MT4: variants seen among roughly 807,000 people sequenced by gnomAD.
The protein encoded by MT4 is metallothionein-4.
Under a neutral mutation model 9.5 loss-of-function variants are expected in MT4, and 11 were observed. That is an observed-to-expected ratio of 1.16 (90% CI 0.73 to 1.92). The LOEUF is 1.92. Among genes scored for constraint, MT4 ranks in the 30% most tolerant of loss-of-function variants. The pLI is 0.00. For missense variants in MT4, 88 were observed against 78.7 expected, an observed-to-expected ratio of 1.12 and a Z score of -0.45; for synonymous variants, 29 against 24.6, an observed-to-expected ratio of 1.18 and a Z score of -0.53.
In MT4 at chr16:56,567,733, C is replaced by T; in HGVS notation, c.32-18C>T. ...ATCTCCATCCTCACGTTTGTGGTGG[C>T]TCTGTCCTGTCTTCTAGGAGGAATC... On this transcript the variant is annotated intron_variant, in intron 1 of 2. Coordinates refer to ENST00000219162, the MANE Select transcript of MT4 (RefSeq NM_032935.3). The T allele has an allele frequency of 6.2e-7, 1 of 1,612,032 alleles. No individual in the cohort carries two copies. The highest frequency in any genetic ancestry group is 8.5e-7 in the Non-Finnish European group (1 of 1,178,416).
chr16:56,568,243 GAAAGAAAGAAAGAA>G (rs751052173), intron 2 of MT4, among the ~76,000 whole-genome samples: 632 of 31,520 alleles, frequency 0.02, 10 homozygotes, highest in African/African-American at 0.04. Context: ...AAGAAAGAAA[GAAAGAAAGAAAGAA>G]AGAGAGAGAG....
chr16:56,566,819 A>AAAGAAAAG (rs1160884981), intron 1 of MT4, among the ~76,000 whole-genome samples: 9 of 52,518 alleles, frequency 1.7e-4, no homozygotes, highest in East Asian at 5.4e-4. Context: ...AGAAAGAAAG[A>AAAGAAAAG]AAAGAAAGAA....
At position 56,568,813 on chromosome 16, in the gene MT4, G is replaced by A. The variant is rs201846412; in HGVS notation, c.98-28G>A. On this transcript the variant is annotated intron_variant, in intron 2 of 2. Transcript: ENST00000219162. ...TGAGATGGAAGTGTTGACCCACAGCGGATCTGCGCATCTCCTGACTCTTTC... is the reference window on the plus strand; with the variant it reads ...TGAGATGGAAGTGTTGACCCACAGCAGATCTGCGCATCTCCTGACTCTTTC... 119 of 1,516,600 alleles carry A rather than the reference G, an allele frequency of 7.8e-5. 1 individual carries two copies. Among genetic ancestry groups the A allele is most frequent in the South Asian group, 3.1e-4 (25 of 79,574 alleles). 93.9% of individuals were successfully genotyped at this position (1,516,600 alleles called of 1,614,324 possible).
intron 1 of MT4, among the ~76,000 whole-genome samples, chr16:56,566,749 G>GAAAGAAAGAAAGAAA (rs1567329870): frequency 3.6e-5 from 2 of 55,312 alleles, no homozygotes; most frequent in African/African-American, 8.7e-5. Context: ...AAAGAAAGAA[G>GAAAGAAAGAAAGAAA]GAAGGAAGGA....
At chr16:56,566,700 G>GAA (rs1320837229) in intron 1 of MT4, among the ~76,000 whole-genome samples, 1 of 73,416 alleles carries the variant, frequency 1.4e-5, no homozygotes, top group African/African-American at 6.0e-5. Context: ...AAGAAAGAAA[G>GAA]AGAAAGAAAG....
chr16:56,567,708 A>T (rs1451281772), intron 1 of MT4, 43 bp from the exon 2 acceptor site: 1 of 1,586,488 alleles, frequency 6.3e-7, no homozygotes, highest in Admixed American at 1.7e-5. Context: ...TCCCCACTCC[A>T]TCTCCATCCT....
At chr16:56,568,236 A>AG (rs1491081458) in intron 2 of MT4, among the ~76,000 whole-genome samples, 23 of 29,046 alleles carry the variant, frequency 7.9e-4, no homozygotes, top group African/African-American at 1.6e-3. Context: ...AGAAAGAAAG[A>AG]AAGAAAGAAA....
rs1959555974 is a variant in MT4 at position 56,567,831 on chromosome 16, T to C, written c.97+15T>C. 7 of 1,600,488 alleles carry C rather than the reference T, an allele frequency of 4.4e-6. No individual in the cohort carries two copies. The highest frequency in any genetic ancestry group is 6.0e-6 in the Non-Finnish European group (7 of 1,168,238). ...ATATTGGAAGAGTGAGTATGGTGAC[T>C]GGGGGCACCATGGGCTGGGAGTTAG... On this transcript the variant is annotated intron_variant, in intron 2 of 2. Transcript: ENST00000219162.
At chr16:56,566,781 A>G (rs1405243274) in intron 1 of MT4, among the ~76,000 whole-genome samples, 340 of 23,876 alleles carry the variant, frequency 0.014, 8 homozygotes, top group Middle Eastern at 0.036. Flanking sequence ...AAAGAAAGAA[A>G]GAAAGAAAGA....
At chr16:56,566,806 GAAAGAAAGAAAGAAAA>G (rs1959536807) in intron 1 of MT4, among the ~76,000 whole-genome samples, 4 of 47,410 alleles carry the variant, frequency 8.4e-5, no homozygotes, top group African/African-American at 1.9e-4. Flanking sequence ...AAGAAAGAAA[GAAAGAAAGAAAGAAAA>G]GAAAGAAAGA....
At chr16:56,568,211 GAGAGAAAGAAAGAA>G (rs1329865648) in intron 2 of MT4, among the ~76,000 whole-genome samples, 6 of 57,922 alleles carry the variant, frequency 1.0e-4, no homozygotes, top group South Asian at 7.5e-4. Flanking sequence ...GAGAGAGAGA[GAGAGAAAGAAAGAA>G]AGAAAGAAAG....
chr16:56,566,794 GAAAGAAAGAAAGAAAGAAAGAAAGAAAA>G (rs1567329958), intron 1 of MT4, among the ~76,000 whole-genome samples: 29 of 45,298 alleles, frequency 6.4e-4, no homozygotes, highest in Admixed American at 2.7e-3. Context: ...AAGAAAGAAA[GAAAGAAAGAAAGAAAGAAAGAAAGAAAA>G]GAAAGAAAGA....
intron 1 of MT4, among the ~76,000 whole-genome samples, chr16:56,566,805 A>AGAAGGAAGGAAGGAAGGAAG (rs1959536602): frequency 2.1e-5 from 1 of 47,084 alleles, no homozygotes; most frequent in East Asian, 5.6e-4. Context: ...AAAGAAAGAA[A>AGAAGGAAGGAAGGAAGGAAG]GAAAGAAAGA....
In MT4 at chr16:56,568,261, G is replaced by GAA. The variant is rs1959573690; in HGVS notation, c.97+446_97+447insAA. Among the ~76,000 whole-genome samples the GAA allele has an allele frequency of 1.2e-4, 8 of 66,788 alleles. No homozygotes were observed. In the East Asian group the frequency reaches 2.2e-3, roughly 18 times the overall value. The allele number at this position is 66,788 out of a possible 152,430, so 43.8% of individuals were successfully genotyped here. On this transcript the variant is annotated intron_variant, in intron 2 of 2. Transcript: ENST00000219162. Reference sequence around the variant, plus strand: ...AAAGAAAGAAAGAAAGAAAGAAAGAGAGAGAGAGAGAGAAAGAAAGAAAGA... The same window carrying GAA: ...AAAGAAAGAAAGAAAGAAAGAAAGAGAAAGAGAGAGAGAGAAAGAAAGAAAGA...
chr16:56,565,302 G>C, intron 1 of MT4, 143 bp downstream of exon 1: 1 of 752,918 alleles, frequency 1.3e-6, no homozygotes, highest in Non-Finnish European at 2.1e-6. Flanking sequence ...AGGTGGACTG[G>C]CCACCTCTGG....
At chr16:56,567,691 C>T in intron 1 of MT4, 60 bp from the exon 2 acceptor site, 9 of 1,515,370 alleles carry the variant, frequency 5.9e-6, no homozygotes, top group Non-Finnish European at 8.2e-6. Flanking sequence ...GGCATCATGC[C>T]TTATGTTCCC....
chr16:56,568,772 G>A (rs1455655906), intron 2 of MT4, 69 bp from the exon 3 acceptor site: 2 of 1,086,460 alleles, frequency 1.8e-6, no homozygotes, highest in Non-Finnish European at 2.7e-6. Flanking sequence ...CCTCTAAGTA[G>A]TGGGAGGGGC....
At chr16:56,565,576 C>T (rs1309610744) in intron 1 of MT4, among the ~76,000 whole-genome samples, 1 of 152,182 alleles carries the variant, frequency 6.6e-6, no homozygotes, top group Non-Finnish European at 1.5e-5. Flanking sequence ...TCCCAGCCAA[C>T]CACATCCCAG....
intron 2 of MT4, among the ~76,000 whole-genome samples, chr16:56,568,248 A>AG (rs1491134715): frequency 0.011 from 342 of 30,220 alleles, 15 homozygotes; most frequent in African/African-American, 0.028. Context: ...AGAAAGAAAG[A>AG]AAGAAAGAAA....
Sources: allele counts gnomAD v4.1 joint callset (sites outside exome capture counted in the v4.1 genomes callset), GRCh38; gene constraint gnomAD v4.1.1; transcripts MANE v1.5; gene names NCBI Gene and HGNC (gene_info 2026-07-23, HGNC 2026-07-21).